SLC15A5: variants seen among roughly 807,000 people sequenced by gnomAD.
SLC15A5 encodes Peptide/histidine transporter ENSP00000340402.
Under a neutral mutation model 56.1 loss-of-function variants are expected in SLC15A5, and 58 were observed. The observed-to-expected ratio is 1.03, with a 90% CI of 0.84 to 1.29. The LOEUF (loss-of-function observed/expected upper bound fraction) is 1.29, where lower values mean the gene tolerates loss of function less well. SLC15A5 is among the 50% of genes most tolerant of loss of function. SLC15A5 has a pLI of 0.00. For synonymous variants in SLC15A5, 264 were observed against 250.5 expected, an observed-to-expected ratio of 1.05 and a Z score of -0.51; for missense variants, 681 against 672.1, an observed-to-expected ratio of 1.01 and a Z score of -0.15.
intron 7 of SLC15A5, among the ~76,000 whole-genome samples, chr12:16,208,986 T>C (rs1481879900): frequency 2.7e-5 from 4 of 150,812 alleles, no homozygotes; most frequent in African/African-American, 9.7e-5. Context: ...CTTCAGTTTC[T>C]TGTTCTTCAA....
rs1289885357 is a variant in SLC15A5, at chr12:16,203,108, A to T, written c.1484-8655T>A. ...ATGTATTGTATATATCAAAATTGCT[A>T]AAACAGTGGATTTTAAATGTTCTCA... On this transcript the variant is annotated intron_variant, in intron 7 of 8. Transcript: ENST00000344941. 3.9e-5 allele frequency among the ~76,000 whole-genome samples: 6 copies of T among 152,144 alleles called. No individual in the cohort carries two copies. The South Asian group carries it at 1.2e-3, about 32-fold the overall frequency.
chr12:16,230,022 G>A (rs1864281411), intron 5 of SLC15A5, among the ~76,000 whole-genome samples: 1 of 151,924 alleles, frequency 6.6e-6, no homozygotes, highest in South Asian at 2.1e-4. Flanking sequence ...CAATGGAGAT[G>A]GGAAAAATTA....
chr12:16,246,900 G>C (rs1415999457), intron 3 of SLC15A5, among the ~76,000 whole-genome samples: 1 of 152,004 alleles, frequency 6.6e-6, no homozygotes, highest in Non-Finnish European at 1.5e-5. Context: ...TTTTCAACCT[G>C]TGTTAAAAAT....
Position 16,220,321 on chromosome 12 carries a change from A to G in SLC15A5, c.1352-3297T>C, listed in dbSNP as rs1218145453. Among the ~76,000 whole-genome samples, 3 of 152,210 alleles carry G rather than the reference A, an allele frequency of 2.0e-5. No homozygotes were observed. In the East Asian group the frequency reaches 5.8e-4, roughly 29 times the overall value. ...TCTCAGAGTTGTCAGTTCCTCTCTC[A>G]TTGTCACACTCTCTGGTACTACTTC... On this transcript the variant is annotated intron_variant, in intron 6 of 8. Transcript: ENST00000344941.
At chr12:16,248,278 T>C (rs1864483100) in intron 3 of SLC15A5, among the ~76,000 whole-genome samples, 1 of 152,074 alleles carries the variant, frequency 6.6e-6, no homozygotes, top group East Asian at 1.9e-4. Flanking sequence ...CAATATAACA[T>C]TGAGTGGTGT....
At chr12:16,238,641 A>AAAT (rs1167240165) in intron 5 of SLC15A5, among the ~76,000 whole-genome samples, 3 of 151,642 alleles carry the variant, frequency 2.0e-5, no homozygotes, top group East Asian at 1.9e-4. Context: ...AAAAAAAAAA[A>AAAT]AAAAAATAAG....
intron 5 of SLC15A5, among the ~76,000 whole-genome samples, chr12:16,230,363 G>C (rs1333267226): frequency 2.0e-5 from 3 of 152,106 alleles, no homozygotes; most frequent in Non-Finnish European, 2.9e-5. Context: ...AGAGTCTACA[G>C]TAAAATTAGA....
At chr12:16,226,339 T>C (rs984748921) in intron 5 of SLC15A5, among the ~76,000 whole-genome samples, 1 of 152,184 alleles carries the variant, frequency 6.6e-6, no homozygotes, top group African/African-American at 2.4e-5. Flanking sequence ...TGGTTGAATC[T>C]GCAGATGTGG....
At position 16,239,866 on chromosome 12, in the gene SLC15A5, A is replaced by G; in HGVS notation, c.977T>C (p.Ile326Thr). 1.3e-6 allele frequency: 2 copies of G among 1,536,338 alleles called. No individual in the cohort carries two copies. The highest frequency in any genetic ancestry group is 8.7e-7 in the Non-Finnish European group (1 of 1,146,474). Reference sequence around the variant, plus strand: ...AGTTTGCAGATAATATCCTGAAGGAATCTGTATTCGAGAGGGAAACATCCA... The same window carrying G: ...AGTTTGCAGATAATATCCTGAAGGAGTCTGTATTCGAGAGGGAAACATCCA... ...QLLYRMCIMQ[I>T]PSGYYLQTMN... The change falls in exon 5 of 9, where the codon ATT (isoleucine) becomes ACT (threonine). Residue 326 changes from isoleucine (I) to threonine (T), a missense_variant and splice_region_variant. By Grantham distance (89) the Ile-to-Thr change is moderately conservative. Coordinates refer to ENST00000344941, the MANE Select transcript of SLC15A5 (RefSeq NM_001170798.1).
Position 16,271,528 on chromosome 12 carries a change from G to A in SLC15A5, c.584+1033C>T, listed in dbSNP as rs1864756180. ...GACATTAGGACTTAATCCAAAATAG[G>A]GCTGAGTGCTTTGTAATATTAATAT... On this transcript the variant is annotated intron_variant, in intron 2 of 8. Coordinates refer to ENST00000344941, the MANE Select transcript of SLC15A5 (RefSeq NM_001170798.1). The surrounding 1 kb of genome is among the most constrained non-coding windows in gnomAD (Gnocchi z 8.0). Among the ~76,000 whole-genome samples the A allele has an allele frequency of 6.6e-6, 1 of 151,950 alleles. No individual in the cohort carries two copies. Among genetic ancestry groups the A allele is most frequent in the African/African-American group, 2.4e-5 (1 of 41,356 alleles).
intron 5 of SLC15A5, among the ~76,000 whole-genome samples, chr12:16,230,858 G>A (rs1041286045): frequency 1.3e-5 from 2 of 151,344 alleles, no homozygotes; most frequent in Non-Finnish European, 2.9e-5. Flanking sequence ...AGAAGGCAGA[G>A]CTTGTAGTGA....
At chr12:16,241,350 C>T (rs964283027) in intron 4 of SLC15A5, among the ~76,000 whole-genome samples, 18 of 152,176 alleles carry the variant, frequency 1.2e-4, no homozygotes, top group African/African-American at 4.1e-4. Flanking sequence ...TCTCTAGACT[C>T]AATTGTACAA....
chr12:16,232,285 A>G (rs1338122131), intron 5 of SLC15A5, among the ~76,000 whole-genome samples: 1 of 152,170 alleles, frequency 6.6e-6, no homozygotes, highest in Non-Finnish European at 1.5e-5. Context: ...ACAAATAGAG[A>G]AACAACAAAC....
chr12:16,209,074 T>C (rs927714434), intron 7 of SLC15A5, among the ~76,000 whole-genome samples: 2 of 151,744 alleles, frequency 1.3e-5, no homozygotes, highest in Admixed American at 6.6e-5. Flanking sequence ...AATCTAGTTT[T>C]CATTTCACCA....
chr12:16,221,036 A>G (rs768621289), intron 6 of SLC15A5, among the ~76,000 whole-genome samples: 7 of 151,998 alleles, frequency 4.6e-5, no homozygotes, highest in Non-Finnish European at 5.9e-5. Context: ...GGCTATGTCT[A>G]CTGTCATTTA....
At chr12:16,194,920 A>T (rs1863878919) in intron 7 of SLC15A5, among the ~76,000 whole-genome samples, 1 of 152,064 alleles carries the variant, frequency 6.6e-6, no homozygotes. Flanking sequence ...TATATAGGTG[A>T]TAGATGTTAG....
At chr12:16,231,740 G>A (rs1198673493) in intron 5 of SLC15A5, among the ~76,000 whole-genome samples, 1 of 152,216 alleles carries the variant, frequency 6.6e-6, no homozygotes, top group Non-Finnish European at 1.5e-5. Context: ...ATTCAGAGAA[G>A]GCTGAGGCTG....
At chr12:16,205,861 A>G (rs1864014000) in intron 7 of SLC15A5, among the ~76,000 whole-genome samples, 1 of 152,056 alleles carries the variant, frequency 6.6e-6, no homozygotes, top group African/African-American at 2.4e-5. Context: ...GGAACTATGA[A>G]AATCTTAAAA....
At chr12:16,193,122 T>A (rs780858027) in intron 8 of SLC15A5, among the ~76,000 whole-genome samples, 26 of 152,068 alleles carry the variant, frequency 1.7e-4, no homozygotes, top group Non-Finnish European at 1.6e-4. Context: ...TGGAGGGGAA[T>A]GAGGCCATGT....
Sources: allele counts gnomAD v4.1 joint callset (sites outside exome capture counted in the v4.1 genomes callset), GRCh38; gene constraint gnomAD v4.1.1; non-coding constraint Gnocchi (gnomAD v3.1); transcripts MANE v1.5; gene names NCBI Gene and HGNC (gene_info 2026-07-23, HGNC 2026-07-21).